The following SLC35F5 variants were observed in gnomAD, a reference collection of about 807,000 sequenced individuals.
SLC35F5 encodes the protein HCV NS5A-transactivated protein 3.
SLC35F5 carries 54 observed loss-of-function variants against 68.6 expected under a neutral mutation model. That is an observed-to-expected ratio of 0.79 (90% CI 0.63 to 0.99). The LOEUF (loss-of-function observed/expected upper bound fraction) is 0.99, where lower values mean the gene tolerates loss of function less well. SLC35F5 is among the 50% of genes least tolerant of loss of function. The pLI is 0.00. For missense variants in SLC35F5, 567 were observed against 626.9 expected (o/e 0.90, Z 1.02); for synonymous variants, 211 against 205.2 (o/e 1.03, Z -0.24).
rs1189625254 is a variant in SLC35F5, at chr2:113,709,510, TAG to T, written c.*5706_*5707del. Among the ~76,000 whole-genome samples the T allele has an allele frequency of 1.3e-5, 2 of 152,192 alleles. No individual in the cohort carries two copies. The highest frequency in any genetic ancestry group is 2.4e-5 in the African/African-American group (1 of 41,452). On this transcript the variant is annotated 3_prime_UTR_variant, in exon 16 of 16. Coordinates refer to ENST00000245680, the MANE Select transcript of SLC35F5 (RefSeq NM_025181.5). ...GGCACGCTGGGCCTGGTATTTCAAT[TAG>T]AGTTTCTCATTCTCACAGTCTCAGG...
At chr2:113,724,878 CAG>C (rs1687595963) in intron 12 of SLC35F5, among the ~76,000 whole-genome samples, 1 of 152,164 alleles carries the variant, frequency 6.6e-6, no homozygotes, top group East Asian at 1.9e-4. Flanking sequence ...TCAAATCAAT[CAG>C]AGTTTAAGGT....
At position 113,723,191 on chromosome 2, in the gene SLC35F5, G is replaced by A. The variant is rs759892984; in HGVS notation, c.1254C>T (p.Gly418=). ...CTATCAATGATGAGGTAAGAAAGCA[G>A]CCCCTAAAAAAAAGAAAATATACAT... ...TVLSEFLWLW[G]CFLTSSLIGT... The change falls in exon 13 of 16, where the codon GGC becomes GGT. Residue 418 remains glycine, a synonymous_variant. Transcript: ENST00000245680. 3 of 1,569,544 alleles carry A rather than the reference G, an allele frequency of 1.9e-6. No homozygotes were observed. The highest frequency in any genetic ancestry group is 2.3e-5 in the East Asian group (1 of 43,448).
Position 113,739,512 on chromosome 2 carries a change from A to G in SLC35F5, c.750+3180T>C, listed in dbSNP as rs189432355. ...TATTTTAGTGATAACTTGATTAATA[A>G]TATTCTGCTATGTAAATCAAAAGAA... On this transcript the variant is annotated intron_variant, in intron 7 of 15. Transcript: ENST00000245680. Among the ~76,000 whole-genome samples the G allele has an allele frequency of 4.6e-5, 7 of 152,332 alleles. No individual in the cohort carries two copies. The East Asian group carries it at 1.3e-3, about 29-fold the overall frequency.
At chr2:113,734,277 A>G (rs1417719950) in intron 9 of SLC35F5, among the ~76,000 whole-genome samples, 1 of 152,210 alleles carries the variant, frequency 6.6e-6, no homozygotes, top group African/African-American at 2.4e-5. Flanking sequence ...AGAAATAGAA[A>G]CTTGGGAGAT....
At chr2:113,733,886 T>C (rs1006516015) in intron 9 of SLC35F5, among the ~76,000 whole-genome samples, 3 of 152,252 alleles carry the variant, frequency 2.0e-5, no homozygotes, top group East Asian at 1.9e-4. Context: ...CAAATCATCC[T>C]GCTACCTTCT....
chr2:113,717,828 A>G lies in SLC35F5; in HGVS notation c.1519T>C (p.Cys507Arg), dbSNP rs754305752. 13 of 1,612,096 alleles carry G rather than the reference A, an allele frequency of 8.1e-6. No homozygotes were observed. The East Asian group carries it at 2.2e-4, about 28-fold the overall frequency. Reference protein sequence around the residue: ...IQRVPEDSEQCESLISMHSVS... With the variant: ...IQRVPEDSEQRESLISMHSVS... ...CTGTGCATAGAAATGAGACTCTCAC[A>G]CTGTTCGCTGTCTTCTGGAACTCTT... Residue 507 changes from cysteine (C) to arginine (R), a missense_variant, in exon 15 of 16, where the codon TGT becomes CGT. Transcript: ENST00000245680.
At chr2:113,717,630 C>A (rs764489409) in intron 15 of SLC35F5, 123 bp downstream of exon 15, 3 of 605,430 alleles carry the variant, frequency 5.0e-6, no homozygotes, top group Non-Finnish European at 8.3e-6. Context: ...GGAGTCCAGG[C>A]TTTAGCCCCT....
chr2:113,727,480 A>T (rs1391566947), intron 11 of SLC35F5, among the ~76,000 whole-genome samples: 1 of 152,206 alleles, frequency 6.6e-6, no homozygotes, highest in Non-Finnish European at 1.5e-5. Context: ...TCTATTTTCT[A>T]GTCCCTGAAG....
At chr2:113,756,348 G>A (rs374480806) in intron 1 of SLC35F5, 22 bp downstream of exon 1, 1 of 1,566,378 alleles carries the variant, frequency 6.4e-7, no homozygotes, top group Non-Finnish European at 8.6e-7. Flanking sequence ...GGTGATGTCG[G>A]GGCCCTTCCC....
Position 113,714,042 on chromosome 2 carries a change from A to G in SLC35F5, c.*1176T>C, listed in dbSNP as rs1353039873. 5 of 152,170 alleles carry G rather than the reference A, an allele frequency of 3.3e-5. No homozygotes were observed. The highest frequency in any genetic ancestry group is 7.4e-5 in the Non-Finnish European group (5 of 67,998). The allele number at this position is 152,170 out of a possible 1,614,324, so 9.4% of individuals were successfully genotyped here. On this transcript the variant is annotated 3_prime_UTR_variant, in exon 16 of 16. Transcript: ENST00000245680. Reference sequence around the variant, plus strand: ...ATCAAAAGCCTGTGAATCCTGGGACATACGTTTACTGATATCTATGGTGAA... The same window carrying G: ...ATCAAAAGCCTGTGAATCCTGGGACGTACGTTTACTGATATCTATGGTGAA...
At chr2:113,752,877 G>A (rs1185762179) in intron 3 of SLC35F5, among the ~76,000 whole-genome samples, 1 of 152,134 alleles carries the variant, frequency 6.6e-6, no homozygotes, top group African/African-American at 2.4e-5. Flanking sequence ...ATGGCATAGT[G>A]ATTATGTTTA....
intron 4 of SLC35F5, 86 bp from the exon 5 acceptor site, chr2:113,746,425 C>G (rs1676486437): frequency 9.4e-7 from 1 of 1,060,596 alleles, no homozygotes; most frequent in African/African-American, 1.6e-5. Flanking sequence ...TAAATAGAAG[C>G]AAAAATCCAG....
At chr2:113,755,664 T>C in intron 1 of SLC35F5, 120 bp from the exon 2 acceptor site, 4 of 1,097,196 alleles carry the variant, frequency 3.6e-6, no homozygotes, top group Non-Finnish European at 5.4e-6. Flanking sequence ...GACCAAAATG[T>C]GTTAAACATA....
downstream of SLC35F5, chr2:113,705,024 C>T (rs967317836): frequency 6.6e-6 from 1 of 152,194 alleles, no homozygotes; most frequent in Non-Finnish European, 1.5e-5. Context: ...TTTGTGGATC[C>T]GTATCAGTCT....
At chr2:113,721,926 TATAA>T (rs1002436634) in intron 13 of SLC35F5, among the ~76,000 whole-genome samples, 1 of 151,486 alleles carries the variant, frequency 6.6e-6, no homozygotes, top group Admixed American at 6.6e-5. Context: ...AGAATTATTT[TATAA>T]ATAAAGAGGA....
chr2:113,714,757 T>C lies in SLC35F5; in HGVS notation c.*461A>G, dbSNP rs892493732. On this transcript the variant is annotated 3_prime_UTR_variant, in exon 16 of 16. Transcript: ENST00000245680. ...TGCAATATTCTACAAAACCCAAAAA[T>C]ATAATCCACACTTATTACAGGTAGC... 9.2e-5 allele frequency: 14 copies of C among 152,458 alleles called. No homozygotes were observed. The highest frequency in any genetic ancestry group is 2.6e-4 in the African/African-American group (11 of 41,584). The allele number at this position is 152,458 out of a possible 1,614,324, so 9.4% of individuals were successfully genotyped here.
At chr2:113,737,533 C>G (rs1416265743) in intron 7 of SLC35F5, among the ~76,000 whole-genome samples, 1 of 152,210 alleles carries the variant, frequency 6.6e-6, no homozygotes, top group Non-Finnish European at 1.5e-5. Flanking sequence ...AAGATTTTCT[C>G]CATGAACAGA....
At position 113,717,759 on chromosome 2, in the gene SLC35F5, T is replaced by C; in HGVS notation, c.*16A>G. 1 of 1,605,564 alleles carries C rather than the reference T, an allele frequency of 6.2e-7. No individual in the cohort carries two copies. The highest frequency in any genetic ancestry group is 8.5e-7 in the Non-Finnish European group (1 of 1,175,342). The stretch of plus-strand genomic sequence containing the variant: ...ACCCAGCTCACATACAAACCTGGGC[T>C]ACAGACAACAGACAGCTAACTAGCT... On this transcript the variant is annotated 3_prime_UTR_variant, in exon 15 of 16. Transcript: ENST00000245680.
Position 113,733,471 on chromosome 2 carries a change from T to A in SLC35F5, c.920+1115A>T, listed in dbSNP as rs1687973495. On this transcript the variant is annotated intron_variant, in intron 9 of 15. Coordinates refer to ENST00000245680, the MANE Select transcript of SLC35F5 (RefSeq NM_025181.5). ...ATTTTAAATAAAGTTAAATAAAACCTCATTTACTTCTCCAATACAAACATA... is the reference window on the plus strand; with the variant it reads ...ATTTTAAATAAAGTTAAATAAAACCACATTTACTTCTCCAATACAAACATA... 5 of 269,176 alleles carry A rather than the reference T, an allele frequency of 1.9e-5. 1 individual carries two copies. The highest frequency in any genetic ancestry group is 1.1e-4 in the South Asian group (3 of 28,568). The allele number at this position is 269,176 out of a possible 1,614,324, so 16.7% of individuals were successfully genotyped here.
Sources: allele counts gnomAD v4.1 joint callset (sites outside exome capture counted in the v4.1 genomes callset), GRCh38; gene constraint gnomAD v4.1.1; transcripts MANE v1.5; gene names NCBI Gene and HGNC (gene_info 2026-07-23, HGNC 2026-07-21).